Variants in CSMD3 observed in about 807,000 individuals in gnomAD.
CSMD3 encodes CUB and sushi domain-containing protein 3.
Under a neutral mutation model 435.2 loss-of-function variants are expected in CSMD3, and 177 were observed. The ratio of observed to expected loss-of-function variants is 0.41; its 90% CI spans 0.36 to 0.46. The LOEUF (loss-of-function observed/expected upper bound fraction) is 0.46, where lower values mean the gene tolerates loss of function less well. Among genes scored for constraint, CSMD3 ranks in the 20% least tolerant of loss-of-function variants. The pLI is 0.34. For missense variants in CSMD3, 4,265 were observed against 4,504.6 expected, an observed-to-expected ratio of 0.95 and a Z score of 1.52; for synonymous variants, 1,656 against 1,520.5, an observed-to-expected ratio of 1.09 and a Z score of -2.07.
chr8:112,912,044 C>T (rs914884127), intron 10 of CSMD3, among the ~76,000 whole-genome samples: 1 of 148,262 alleles, frequency 6.7e-6, no homozygotes, highest in Non-Finnish European at 1.5e-5. Context: ...GCTTTAGTGG[C>T]TTATTTCAAT....
intron 6 of CSMD3, among the ~76,000 whole-genome samples, chr8:112,991,736 A>G (rs1351649646): frequency 2.0e-5 from 3 of 151,920 alleles, no homozygotes; most frequent in African/African-American, 4.8e-5. Flanking sequence ...ATTATGTGAT[A>G]CTAAATTTCT....
chr8:112,546,959 A>G (rs1827237960), intron 27 of CSMD3, among the ~76,000 whole-genome samples: 1 of 152,182 alleles, frequency 6.6e-6, no homozygotes, highest in East Asian at 1.9e-4. Context: ...AACACGTATC[A>G]CCTGTTACAT....
At chr8:113,015,552 A>G (rs974822806) in intron 6 of CSMD3, among the ~76,000 whole-genome samples, 6 of 151,922 alleles carry the variant, frequency 3.9e-5, no homozygotes, top group African/African-American at 4.8e-5. Context: ...TAAATACTGC[A>G]ATGCCTAAAC....
intron 4 of CSMD3, among the ~76,000 whole-genome samples, chr8:113,124,918 T>C (rs2091084845): frequency 1.3e-5 from 2 of 151,976 alleles, no homozygotes; most frequent in South Asian, 4.1e-4. Context: ...AGAGTCATAT[T>C]TCTAAAATGA....
At chr8:112,479,111 G>A (rs1360550245) in intron 31 of CSMD3, among the ~76,000 whole-genome samples, 2 of 152,194 alleles carry the variant, frequency 1.3e-5, no homozygotes, top group Non-Finnish European at 2.9e-5. Context: ...CCAACTGCGA[G>A]TACAAACTAT....
chr8:112,224,905 CTG>C lies in CSMD3; in HGVS notation c.10988_10989del (p.Thr3663ArgfsTer6), dbSNP rs757142065. 1 of 1,614,034 alleles carries C rather than the reference CTG, an allele frequency of 6.2e-7. No homozygotes were observed. The highest frequency in any genetic ancestry group is 1.1e-5 in the South Asian group (1 of 91,084). The part of the protein sequence containing the change: ...KQRTAPKTQY[T>X]GCSVHENNNG... ...TTGTTATTTTCATGAACTGAACATC[CTG>C]TATACTGTGTTTTAGGTGCAGTCCT... On this transcript the variant is annotated frameshift_variant, in exon 71 of 71. Transcript: ENST00000297405. LOFTEE classifies it high-confidence loss of function.
chr8:112,587,252 A>G lies in CSMD3; in HGVS notation c.3716-17T>C, dbSNP rs773785888. ...CACATTCAGCTGCAGGTAAAACAGA[A>G]TATTGAAGTACAGTTTAATAGATAG... On this transcript the variant is annotated splice_polypyrimidine_tract_variant and intron_variant, in intron 22 of 70. Transcript: ENST00000297405. 1 of 1,587,322 alleles carries G rather than the reference A, an allele frequency of 6.3e-7. No individual in the cohort carries two copies. Among genetic ancestry groups the G allele is most frequent in the Non-Finnish European group, 8.6e-7 (1 of 1,157,378 alleles).
intron 3 of CSMD3, among the ~76,000 whole-genome samples, chr8:113,199,994 T>G (rs1030584093): frequency 1.3e-5 from 2 of 151,826 alleles, no homozygotes; most frequent in Admixed American, 1.3e-4. Flanking sequence ...CCAGTCCAAA[T>G]CTCCTCTGTG....
intron 45 of CSMD3, among the ~76,000 whole-genome samples, chr8:112,326,763 C>T (rs987879929): frequency 6.6e-6 from 1 of 152,180 alleles, no homozygotes; most frequent in African/African-American, 2.4e-5. Context: ...TGCCTGCAAT[C>T]CCAGCACTAT....
chr8:113,138,591 T>C (rs940368113), intron 4 of CSMD3, among the ~76,000 whole-genome samples: 2 of 151,384 alleles, frequency 1.3e-5, no homozygotes, highest in African/African-American at 4.8e-5. Flanking sequence ...AATACAATTA[T>C]AAGCTATAAT....
In CSMD3 at chr8:112,396,465, C is replaced by A. The variant is rs542499518; in HGVS notation, c.5810-5677G>T. ...TGTTTTACCAACATACATATCTTTC[C>A]TGCAGATGTCAGAAGAGTTTGAAAC... is the stretch of plus-strand genomic sequence containing the variant. On this transcript the variant is annotated intron_variant, in intron 35 of 70. Coordinates refer to ENST00000297405, the MANE Select transcript of CSMD3 (RefSeq NM_198123.2). Among the ~76,000 whole-genome samples the A allele has an allele frequency of 6.6e-5, 10 of 152,236 alleles. No homozygotes were observed. In the East Asian group the frequency reaches 1.9e-3, roughly 29 times the overall value.
In CSMD3 at chr8:112,784,464, A is replaced by C. The variant is rs1341617969; in HGVS notation, c.1972+15698T>G. ...GAAAATTGAAACAAAAAAAATACAA[A>C]AGTTCAACAAAATGAAAATTTGTGT... On this transcript the variant is annotated intron_variant, in intron 13 of 70. Transcript: ENST00000297405. 4.6e-5 allele frequency among the ~76,000 whole-genome samples: 7 copies of C among 152,106 alleles called. No homozygotes were observed. In the East Asian group the frequency reaches 1.4e-3, roughly 29 times the overall value.
chr8:113,412,948 T>C (rs558442612), intron 1 of CSMD3, among the ~76,000 whole-genome samples: 1 of 152,118 alleles, frequency 6.6e-6, no homozygotes, highest in South Asian at 2.1e-4. Context: ...TAATCACAAA[T>C]ACGAGTGAAG....
At chr8:112,920,121 A>G (rs1425962523) in intron 10 of CSMD3, among the ~76,000 whole-genome samples, 1 of 151,972 alleles carries the variant, frequency 6.6e-6, no homozygotes, top group Non-Finnish European at 1.5e-5. Flanking sequence ...TCATTTTCAA[A>G]CACAGTTTTA....
At chr8:113,280,022 G>T (rs1450639063) in intron 2 of CSMD3, among the ~76,000 whole-genome samples, 1 of 151,870 alleles carries the variant, frequency 6.6e-6, no homozygotes, top group Non-Finnish European at 1.5e-5. Flanking sequence ...AAACCCACTT[G>T]ATCATGGTGG....
In CSMD3 at chr8:112,943,064, G is replaced by A. The variant is rs375715674; in HGVS notation, c.1508+4726C>T. 5.9e-5 allele frequency among the ~76,000 whole-genome samples: 9 copies of A among 151,544 alleles called. No individual in the cohort carries two copies. The East Asian group carries it at 1.8e-3, about 29-fold the overall frequency. On this transcript the variant is annotated intron_variant, in intron 9 of 70. Coordinates refer to ENST00000297405, the MANE Select transcript of CSMD3 (RefSeq NM_198123.2). ...TATCTGGTAGTTATATTAATTTGAAGTTCCCTAATTACATATGATAATGAG... is the reference window on the plus strand; with the variant it reads ...TATCTGGTAGTTATATTAATTTGAAATTCCCTAATTACATATGATAATGAG...
intron 1 of CSMD3, among the ~76,000 whole-genome samples, chr8:113,364,354 A>G (rs1406501348): frequency 1.3e-5 from 2 of 152,052 alleles, no homozygotes; most frequent in African/African-American, 4.8e-5. Flanking sequence ...TATTATTATC[A>G]TACTGCTTTA....
At position 112,722,588 on chromosome 8, in the gene CSMD3, T is replaced by G. The variant is rs375039741; in HGVS notation, c.1973-32538A>C. 5.6e-4 allele frequency among the ~76,000 whole-genome samples: 85 copies of G among 152,280 alleles called. 1 individual carries two copies. Among genetic ancestry groups the G allele is most frequent in the South Asian group, 5.4e-3 (26 of 4,834 alleles). ...GTGTGTGCGTTAGCGTGTGTGTGTG[T>G]GTGTAGTGTAGGAGGGAGAAAGAGT... is the stretch of plus-strand genomic sequence containing the variant. On this transcript the variant is annotated intron_variant, in intron 13 of 70. Coordinates refer to ENST00000297405, the MANE Select transcript of CSMD3 (RefSeq NM_198123.2).
At chr8:112,366,701 C>T (rs1019762917) in intron 38 of CSMD3, among the ~76,000 whole-genome samples, 2 of 152,050 alleles carry the variant, frequency 1.3e-5, no homozygotes, top group African/African-American at 4.8e-5. Flanking sequence ...CCCAGCCAGG[C>T]ATTCACCTTA....
Sources: gnomAD v4.1 joint callset for allele counts (sites outside exome capture counted in the v4.1 genomes callset) on GRCh38, gnomAD v4.1.1 for gene constraint, MANE v1.5 for transcripts, NCBI Gene and HGNC (gene_info 2026-07-23, HGNC 2026-07-21) for gene names.